The following RFX7 variants were observed in gnomAD, a reference collection of about 807,000 sequenced individuals.
The protein encoded by RFX7 is DNA-binding protein RFX7.
Under a neutral mutation model 111.8 loss-of-function variants are expected in RFX7, and 26 were observed. The observed-to-expected ratio is 0.23, with a 90% CI of 0.17 to 0.32. The LOEUF (loss-of-function observed/expected upper bound fraction) is 0.32. Among genes scored for constraint, RFX7 ranks in the 10% least tolerant of loss-of-function variants. RFX7 has a pLI of 1.00. For synonymous variants in RFX7, 624 were observed against 624.4 expected, an observed-to-expected ratio of 1.00 and a Z score of 0.01; for missense variants, 1,573 against 1,772.9, an observed-to-expected ratio of 0.89 and a Z score of 2.02.
At chr15:56,129,818 C>A (rs1416414064) in intron 5 of RFX7, among the ~76,000 whole-genome samples, 3 of 152,090 alleles carry the variant, frequency 2.0e-5, no homozygotes. Context: ...AAGGGTGAAA[C>A]GTTTCTGGTT....
chr15:56,169,989 A>C (rs1475595357), intron 3 of RFX7, among the ~76,000 whole-genome samples: 3 of 152,164 alleles, frequency 2.0e-5, no homozygotes, highest in African/African-American at 4.8e-5. Flanking sequence ...AGTAACTCCC[A>C]AAAATATTTC....
At chr15:56,201,979 T>C (rs528970488) in intron 2 of RFX7, among the ~76,000 whole-genome samples, 13 of 152,088 alleles carry the variant, frequency 8.5e-5, no homozygotes, top group African/African-American at 3.1e-4. Flanking sequence ...TGCAGTGAGC[T>C]GAGATCGCGT....
intron 3 of RFX7, among the ~76,000 whole-genome samples, chr15:56,158,450 T>C (rs1050504860): frequency 1.3e-4 from 20 of 152,138 alleles, no homozygotes; most frequent in Non-Finnish European, 2.6e-4. Flanking sequence ...TCAACAAGTA[T>C]AGAAAATTTG....
rs187893673 is a variant in RFX7 at position 56,229,269 on chromosome 15, T to C, written c.161+13856A>G. Among the ~76,000 whole-genome samples the C allele has an allele frequency of 4.0e-4, 61 of 152,210 alleles. 1 individual carries two copies. Among genetic ancestry groups the C allele is most frequent in the Admixed American group, 2.2e-3 (34 of 15,286 alleles). On this transcript the variant is annotated intron_variant, in intron 2 of 9. Transcript: ENST00000559447. ...TTTGGCCTAATTGTTGTTGTTGTTG[T>C]TGTTTTGTTTTTTTGAGTTGGAGTC...
At chr15:56,143,152 T>C (rs11071251) in intron 4 of RFX7, among the ~76,000 whole-genome samples, 9,994 of 152,216 alleles carry the variant, frequency 0.066, 453 homozygotes, top group Admixed American at 0.1. Context: ...AGTATTTGTT[T>C]TGGTCAAAAA....
chr15:56,131,570 A>G (rs1281931385), intron 5 of RFX7, among the ~76,000 whole-genome samples: 1 of 152,198 alleles, frequency 6.6e-6, no homozygotes, highest in Non-Finnish European at 1.5e-5. Flanking sequence ...ATATTAAGTA[A>G]TATCTTTATA....
chr15:56,202,922 C>T (rs757730169), intron 2 of RFX7, among the ~76,000 whole-genome samples: 2 of 152,174 alleles, frequency 1.3e-5, no homozygotes, highest in Non-Finnish European at 2.9e-5. Flanking sequence ...ATAAAACTGC[C>T]AATCTCTTGG....
intron 2 of RFX7, among the ~76,000 whole-genome samples, chr15:56,224,395 C>T (rs1318277906): frequency 6.6e-6 from 1 of 151,888 alleles, no homozygotes; most frequent in Non-Finnish European, 1.5e-5. Flanking sequence ...TGTATCATCA[C>T]TCCCAACATT....
chr15:56,192,733 G>T, intron 2 of RFX7: 3 of 221,536 alleles, frequency 1.4e-5, no homozygotes, highest in South Asian at 1.6e-4. Context: ...GTGGTCACTG[G>T]TGTTTTAAAG....
chr15:56,223,367 A>C (rs538746260), intron 2 of RFX7, among the ~76,000 whole-genome samples: 1 of 152,258 alleles, frequency 6.6e-6, no homozygotes, highest in South Asian at 2.1e-4. Flanking sequence ...CTAAACCTCT[A>C]GTCTCTATTT....
chr15:56,097,648 G>A (rs2041697456), intron 9 of RFX7, among the ~76,000 whole-genome samples: 1 of 145,876 alleles, frequency 6.9e-6, no homozygotes. Flanking sequence ...TCGGGAGGCT[G>A]AGGCAGAATA....
rs568641661 is a variant in RFX7 at position 56,235,234 on chromosome 15, C to A, written c.161+7891G>T. Among the ~76,000 whole-genome samples the A allele has an allele frequency of 9.5e-4, 144 of 151,458 alleles. 4 individuals carry two copies. Among genetic ancestry groups the A allele is most frequent in the South Asian group, 5.0e-3 (24 of 4,798 alleles). ...TGTCGCCCAGGCCGGAGTGCAGTGG[C>A]GTGATCTTGGCTCACTGCAGCCCCT... is the stretch of plus-strand genomic sequence containing the variant. On this transcript the variant is annotated intron_variant, in intron 2 of 9. Transcript: ENST00000559447.
At chr15:56,207,270 A>G (rs573137734) in intron 2 of RFX7, among the ~76,000 whole-genome samples, 7 of 152,242 alleles carry the variant, frequency 4.6e-5, no homozygotes, top group Non-Finnish European at 7.4e-5. Context: ...CAGAGACTAG[A>G]AGGAGGAGGA....
chr15:56,185,840 G>A (rs1474013654), intron 2 of RFX7, among the ~76,000 whole-genome samples: 7 of 152,016 alleles, frequency 4.6e-5, no homozygotes, highest in Non-Finnish European at 1.0e-4. Context: ...TTTTCTCCAT[G>A]GAAGTCCTGT....
At chr15:56,198,031 T>C (rs1447232165) in intron 2 of RFX7, among the ~76,000 whole-genome samples, 2 of 152,208 alleles carry the variant, frequency 1.3e-5, no homozygotes, top group East Asian at 3.8e-4. Context: ...CAATGATATA[T>C]TCAGAACTTG....
intron 9 of RFX7, 108 bp from the exon 10 acceptor site, chr15:56,096,728 G>C: frequency 8.1e-7 from 1 of 1,238,508 alleles, no homozygotes; most frequent in Non-Finnish European, 1.1e-6. Flanking sequence ...ATGTTAAAAA[G>C]AAAAAAGTTC....
intron 2 of RFX7, among the ~76,000 whole-genome samples, chr15:56,242,835 G>T (rs187250026): frequency 1.3e-5 from 2 of 152,088 alleles, no homozygotes; most frequent in African/African-American, 4.8e-5. Context: ...ACTTAATTTC[G>T]ACCCATATTT....
At chr15:56,220,628 T>C (rs762873356) in intron 2 of RFX7, among the ~76,000 whole-genome samples, 2 of 152,188 alleles carry the variant, frequency 1.3e-5, no homozygotes, top group Non-Finnish European at 2.9e-5. Flanking sequence ...TCCCATTCTA[T>C]AGTTTGTCTG....
chr15:56,101,395 T>A lies in RFX7; in HGVS notation c.775A>T (p.Met259Leu). The A allele has an allele frequency of 1.9e-6, 3 of 1,607,118 alleles. No homozygotes were observed. Among genetic ancestry groups the A allele is most frequent in the Non-Finnish European group, 2.5e-6 (3 of 1,176,850 alleles). Residue 259 changes from methionine (M) to leucine (L), a missense_variant, in exon 8 of 10, where the codon ATG becomes TTG. Met to Leu is a conservative substitution (Grantham distance 15, BLOSUM62 2). Transcript: ENST00000559447. ...GCTGCCATTACAGTTAGAGCTGCCA[T>A]TGACTTGGTGCCTATATAGTGACTT... ...VKSHYIGTKS[M>L]AALTVMAAAP... is the part of the protein sequence containing the mutation.
Sources: allele counts gnomAD v4.1 joint callset (sites outside exome capture counted in the v4.1 genomes callset), GRCh38; gene constraint gnomAD v4.1.1; transcripts MANE v1.5; gene names NCBI Gene and HGNC (gene_info 2026-07-23, HGNC 2026-07-21).